The following ABCG2 variants were observed in gnomAD, a reference collection of about 807,000 sequenced individuals.
The protein encoded by ABCG2 is ATP binding cassette subfamily G member 2 (JR blood group), also known as broad substrate specificity ATP-binding cassette transporter ABCG2.
ABCG2 carries 80 observed loss-of-function variants against 73.5 expected under a neutral mutation model. The ratio of observed to expected loss-of-function variants is 1.09; its 90% confidence interval spans 0.91 to 1.31. ABCG2 has a LOEUF of 1.31. Among genes scored for constraint, ABCG2 ranks in the 50% most tolerant of loss-of-function variants. The pLI, the probability that ABCG2 is intolerant of heterozygous loss-of-function variation, is 0.00. For missense variants in ABCG2, 796 were observed against 786.2 expected (o/e 1.01, Z -0.15); for synonymous variants, 269 against 282.4 (o/e 0.95, Z 0.48).
chr4:88,204,565 T>C (rs1036899219), intron 1 of ABCG2, among the ~76,000 whole-genome samples: 2 of 152,228 alleles, frequency 1.3e-5, no homozygotes, highest in Non-Finnish European at 2.9e-5. Flanking sequence ...ACCAAGAGCA[T>C]AGGCATAAAA....
At chr4:88,157,816 G>A (rs1009068681) in intron 1 of ABCG2, among the ~76,000 whole-genome samples, 2 of 152,188 alleles carry the variant, frequency 1.3e-5, no homozygotes, top group African/African-American at 2.4e-5. Flanking sequence ...TAAGAGAGCT[G>A]TAAGATCCTC....
chr4:88,115,473 A>G (rs1723507146), intron 7 of ABCG2, among the ~76,000 whole-genome samples: 1 of 149,996 alleles, frequency 6.7e-6, no homozygotes, highest in Non-Finnish European at 1.5e-5. Context: ...CAGTAGAGAC[A>G]CAGCTTTGCC....
rs781089943 is a variant in ABCG2 at position 88,121,636 on chromosome 4, T to C, written c.688A>G (p.Arg230Gly). ...TANAVLLLLK[R>G]MSKQGRTIIF... The stretch of plus-strand genomic sequence containing the variant: ...GAATAATGTTTCCAGAGCATTTACC[T>C]TTTCAGGAGCAAAAGGACAGCATTT... Residue 230 changes from arginine to glycine, a missense_variant and splice_region_variant, in exon 6 of 16, where the codon AGG becomes GGG. Physicochemically the swap from Arg to Gly is moderately radical, Grantham distance 125. Transcript: ENST00000237612. 8.7e-6 allele frequency: 14 copies of C among 1,613,334 alleles called. No individual in the cohort carries two copies. The highest frequency in any genetic ancestry group is 1.2e-5 in the Non-Finnish European group (14 of 1,179,722).
intron 1 of ABCG2, among the ~76,000 whole-genome samples, chr4:88,196,044 G>A (rs564578785): frequency 5.5e-4 from 83 of 152,234 alleles, no homozygotes; most frequent in Middle Eastern, 3.4e-3. Flanking sequence ...TTTCCCTGGC[G>A]CCAGCTGCAA....
At chr4:88,117,763 C>T (rs928826967) in intron 7 of ABCG2, among the ~76,000 whole-genome samples, 1 of 152,164 alleles carries the variant, frequency 6.6e-6, no homozygotes, top group African/African-American at 2.4e-5. Flanking sequence ...TCATATTAGG[C>T]CTTCCCAAAA....
chr4:88,209,824 A>G (rs940845338), intron 1 of ABCG2, among the ~76,000 whole-genome samples: 108 of 152,324 alleles, frequency 7.1e-4, no homozygotes, highest in African/African-American at 2.5e-3. Flanking sequence ...TAAGTTTTAG[A>G]TTCAAGCTAC....
At chr4:88,208,946 G>A (rs1460121285) in intron 1 of ABCG2, among the ~76,000 whole-genome samples, 1 of 152,036 alleles carries the variant, frequency 6.6e-6, no homozygotes, top group Non-Finnish European at 1.5e-5. Context: ...AGGTTACAGT[G>A]AGGCGAGATC....
Position 88,090,379 on chromosome 4 carries a change from G to A in ABCG2, c.*1855C>T, listed in dbSNP as rs1439117242. 6.6e-6 allele frequency: 1 copy of A among 151,974 alleles called. No individual in the cohort carries two copies. Among genetic ancestry groups the A allele is most frequent in the Non-Finnish European group, 1.5e-5 (1 of 68,010 alleles). 9.4% of individuals were successfully genotyped at this position (151,974 alleles called of 1,614,324 possible). On this transcript the variant is annotated 3_prime_UTR_variant, in exon 16 of 16. Transcript: ENST00000237612. ...ATAGATATTTCTCTCTGTGTAATAA[G>A]GGAAGGGTATATATAGAGAACTGTA...
intron 10 of ABCG2, among the ~76,000 whole-genome samples, chr4:88,106,924 C>A (rs922955354): frequency 6.6e-6 from 1 of 152,076 alleles, no homozygotes; most frequent in African/African-American, 2.4e-5. Flanking sequence ...TGTCTGTAGT[C>A]GAGGCTACTT....
chr4:88,176,715 A>T (rs1728000399), intron 1 of ABCG2, among the ~76,000 whole-genome samples: 1 of 131,308 alleles, frequency 7.6e-6, no homozygotes, highest in African/African-American at 2.9e-5. Flanking sequence ...ACTGGTCTTG[A>T]GCTCCTGGAC....
intron 1 of ABCG2, among the ~76,000 whole-genome samples, chr4:88,177,063 C>G (rs1162798898): frequency 6.6e-6 from 1 of 152,090 alleles, no homozygotes; most frequent in Non-Finnish European, 1.5e-5. Flanking sequence ...ACTGGTAACA[C>G]ATTAAATACA....
intron 10 of ABCG2, among the ~76,000 whole-genome samples, chr4:88,106,903 G>C (rs1259402062): frequency 6.6e-6 from 1 of 152,252 alleles, no homozygotes; most frequent in Non-Finnish European, 1.5e-5. Context: ...TTAGCTGGGC[G>C]TGGTGGTGGA....
intron 1 of ABCG2, among the ~76,000 whole-genome samples, chr4:88,167,149 T>C (rs1727554847): frequency 6.9e-6 from 1 of 144,800 alleles, no homozygotes; most frequent in African/African-American, 2.6e-5. Context: ...TGAAATGAAC[T>C]CTTAGCTGGA....
chr4:88,122,116 G>T (rs1724049827), intron 5 of ABCG2, among the ~76,000 whole-genome samples: 1 of 152,070 alleles, frequency 6.6e-6, no homozygotes, highest in Admixed American at 6.6e-5. Flanking sequence ...TGCCACGAGG[G>T]ATGGTGTATT....
intron 9 of ABCG2, among the ~76,000 whole-genome samples, chr4:88,111,127 T>C (rs888093653): frequency 1.3e-5 from 2 of 152,240 alleles, no homozygotes; most frequent in African/African-American, 2.4e-5. Flanking sequence ...CTCTCCAGTA[T>C]TGCCACATAG....
At chr4:88,126,338 T>C (rs1299296568) in intron 5 of ABCG2, among the ~76,000 whole-genome samples, 1 of 152,224 alleles carries the variant, frequency 6.6e-6, no homozygotes, top group Admixed American at 6.5e-5. Context: ...AGCCGAATTC[T>C]ACCAGAGGTA....
chr4:88,188,263 C>T (rs1460542255), intron 1 of ABCG2, among the ~76,000 whole-genome samples: 2 of 152,156 alleles, frequency 1.3e-5, no homozygotes, highest in Non-Finnish European at 2.9e-5. Context: ...AGTCTTGGCA[C>T]ATTTGTTGAA....
At chr4:88,157,637 A>T (rs1468194524) in intron 1 of ABCG2, among the ~76,000 whole-genome samples, 1 of 152,244 alleles carries the variant, frequency 6.6e-6, no homozygotes, top group Admixed American at 6.5e-5. Context: ...GTTAGACTTA[A>T]CATGCCATCT....
intron 1 of ABCG2, among the ~76,000 whole-genome samples, chr4:88,207,180 T>C (rs896909505): frequency 1.3e-5 from 2 of 152,194 alleles, no homozygotes; most frequent in Non-Finnish European, 2.9e-5. Flanking sequence ...AATGGAGAAA[T>C]CTCTAGAACA....
Sources: gnomAD v4.1 joint callset for allele counts (sites outside exome capture counted in the v4.1 genomes callset) on GRCh38, gnomAD v4.1.1 for gene constraint, MANE v1.5 for transcripts, NCBI Gene and HGNC (gene_info 2026-07-23, HGNC 2026-07-21) for gene names.